The following CPNE5 variants were observed in gnomAD, a reference collection of about 807,000 sequenced individuals.
CPNE5 encodes copine 5.
Under a neutral mutation model 81.1 loss-of-function variants are expected in CPNE5, and 42 were observed. The ratio of observed to expected loss-of-function variants is 0.52; its 90% confidence interval spans 0.40 to 0.67. The LOEUF is 0.67. Ranked by LOEUF, CPNE5 falls within the 30% of genes least tolerant of loss-of-function variation. CPNE5 has a pLI of 0.00. For synonymous variants in CPNE5, 313 were observed against 321.5 expected (o/e 0.97, Z 0.28); for missense variants, 612 against 815.5 (o/e 0.75, Z 3.04).
At chr6:36,759,894 G>T (rs533602942) in intron 12 of CPNE5, among the ~76,000 whole-genome samples, 1 of 152,184 alleles carries the variant, frequency 6.6e-6, no homozygotes, top group Admixed American at 6.5e-5. Context: ...GCCTCCAAAG[G>T]CATGTGATGT....
chr6:36,810,984 A>G (rs1771049458), intron 3 of CPNE5, among the ~76,000 whole-genome samples: 1 of 152,118 alleles, frequency 6.6e-6, no homozygotes, highest in Admixed American at 6.5e-5. Flanking sequence ...AGGGTATGAA[A>G]CTTTACCAAG....
intron 8 of CPNE5, among the ~76,000 whole-genome samples, chr6:36,791,060 AAGCTGTGTTCCCAGGGT>A (rs1769048790): frequency 6.6e-6 from 1 of 152,106 alleles, no homozygotes; most frequent in Admixed American, 6.5e-5. Flanking sequence ...GCTCCATGGG[AAGCTGTGTTCCCAGGGT>A]AGCCCAGGCT....
At chr6:36,790,040 A>G (rs376652272) in intron 8 of CPNE5, among the ~76,000 whole-genome samples, 8 of 152,290 alleles carry the variant, frequency 5.3e-5, no homozygotes, top group African/African-American at 1.9e-4. Context: ...TCCAGTGGTT[A>G]AAGACCTTGG....
In CPNE5 at chr6:36,746,051, A is replaced by T; in HGVS notation, c.1200+345T>A. Reference sequence around the variant, plus strand: ...CTGGAGATCCACGTCATCCCATCTCAGCACTGACTCAGGGATACCCAACCC... The same window carrying T: ...CTGGAGATCCACGTCATCCCATCTCTGCACTGACTCAGGGATACCCAACCC... On this transcript the variant is annotated intron_variant, in intron 16 of 20. Coordinates refer to ENST00000244751, the MANE Select transcript of CPNE5 (RefSeq NM_020939.2). The surrounding 1 kb of genome is among the most constrained non-coding windows in gnomAD (Gnocchi z 4.5). The T allele has an allele frequency of 2.3e-6, 1 of 429,504 alleles. No individual in the cohort carries two copies. Among genetic ancestry groups the T allele is most frequent in the Non-Finnish European group, 3.1e-6 (1 of 321,980 alleles). The allele number at this position is 429,504 out of a possible 1,614,324, so 26.6% of individuals were successfully genotyped here.
intron 8 of CPNE5, among the ~76,000 whole-genome samples, chr6:36,788,296 C>T (rs2150497187): frequency 6.6e-6 from 1 of 152,200 alleles, no homozygotes; most frequent in East Asian, 1.9e-4. Flanking sequence ...TCCTGCCTTG[C>T]TCAGCCTCGC....
At chr6:36,750,435 T>G (rs1230295128) in intron 14 of CPNE5, among the ~76,000 whole-genome samples, 1 of 152,088 alleles carries the variant, frequency 6.6e-6, no homozygotes, top group African/African-American at 2.4e-5. Flanking sequence ...CTCTTTCTCC[T>G]CTTCTGCTGG....
rs138797033 is a variant in CPNE5 at position 36,832,014 on chromosome 6, TGAGGCCAGCAGAA to T, written c.95+7256_95+7268del. ...TCCTGTTGTTACTATGAGGTCTGTG[TGAGGCCAGCAGAA>T]GAGACCTTAGGGAACCTTGCAATGA... On this transcript the variant is annotated intron_variant, in intron 1 of 20. Coordinates refer to ENST00000244751, the MANE Select transcript of CPNE5 (RefSeq NM_020939.2). 4.0e-3 allele frequency among the ~76,000 whole-genome samples: 602 copies of T among 152,286 alleles called. 4 individuals are homozygous for T. Among genetic ancestry groups the T allele is most frequent in the Non-Finnish European group, 7.4e-3 (503 of 68,022 alleles).
intron 14 of CPNE5, 53 bp downstream of exon 14, chr6:36,752,981 G>A (rs3822969): frequency 0.062 from 89,769 of 1,438,636 alleles, 3,159 homozygotes; most frequent in Middle Eastern, 0.11. Flanking sequence ...GTCGGTGTGT[G>A]GGGCCCTTTC....
intron 10 of CPNE5, among the ~76,000 whole-genome samples, chr6:36,772,620 G>A (rs559825052): frequency 8.5e-5 from 13 of 152,364 alleles, no homozygotes; most frequent in East Asian, 7.7e-4. Context: ...GGACACAGGA[G>A]GCACTCAGTG....
At chr6:36,774,906 C>A in intron 10 of CPNE5, 55 bp downstream of exon 10, 1 of 1,381,946 alleles carries the variant, frequency 7.2e-7, no homozygotes, top group South Asian at 1.2e-5. Context: ...CTCACTTGTG[C>A]TTGGGGAGGG....
At chr6:36,756,720 C>T (rs553954073) in intron 12 of CPNE5, among the ~76,000 whole-genome samples, 24 of 152,308 alleles carry the variant, frequency 1.6e-4, no homozygotes, top group African/African-American at 5.8e-4. Context: ...TCCCCTGTTC[C>T]TCCTTTGGGA....
intron 3 of CPNE5, among the ~76,000 whole-genome samples, chr6:36,813,797 C>T (rs1436222270): frequency 6.6e-6 from 1 of 152,212 alleles, no homozygotes; most frequent in Non-Finnish European, 1.5e-5. Context: ...TGATGCATGG[C>T]ACCACTCAAG....
At chr6:36,764,860 C>A (rs1486765612) in intron 11 of CPNE5, among the ~76,000 whole-genome samples, 1 of 152,188 alleles carries the variant, frequency 6.6e-6, no homozygotes, top group Non-Finnish European at 1.5e-5. Flanking sequence ...AATTGGCCTC[C>A]CTGCTAGGTT....
chr6:36,752,982 G>A, intron 14 of CPNE5, 52 bp downstream of exon 14: 1 of 1,454,344 alleles, frequency 6.9e-7, no homozygotes, highest in Non-Finnish European at 9.6e-7. Context: ...TCGGTGTGTG[G>A]GGCCCTTTCC....
rs1406188527 is a variant in CPNE5 at position 36,746,623 on chromosome 6, G to A, written c.1019-46C>T. On this transcript the variant is annotated intron_variant, in intron 15 of 20. Transcript: ENST00000244751. This position sits in a 1 kb window ranked among gnomAD's most constrained non-coding sequence, Gnocchi z 4.5. ...GCCTTTGACCATCTGGACCCTCCAA[G>A]TCACCCCGGGTTCAGAATGAAGAAG... The A allele has an allele frequency of 7.7e-6, 12 of 1,555,174 alleles. No homozygotes were observed. The highest frequency in any genetic ancestry group is 1.0e-5 in the Non-Finnish European group (12 of 1,152,884).
intron 7 of CPNE5, among the ~76,000 whole-genome samples, chr6:36,794,076 G>A (rs758832531): frequency 2.0e-5 from 3 of 152,114 alleles, no homozygotes; most frequent in Non-Finnish European, 4.4e-5. Context: ...CGCAGCTGGC[G>A]AGCAAACGAG....
intron 7 of CPNE5, among the ~76,000 whole-genome samples, chr6:36,793,983 G>C (rs1287486109): frequency 1.3e-5 from 2 of 152,250 alleles, no homozygotes; most frequent in Non-Finnish European, 2.9e-5. Flanking sequence ...GGGAGGGAAG[G>C]AGGGGGAGGC....
intron 10 of CPNE5, among the ~76,000 whole-genome samples, chr6:36,769,598 C>T (rs953769544): frequency 6.6e-6 from 1 of 152,224 alleles, no homozygotes; most frequent in Non-Finnish European, 1.5e-5. Flanking sequence ...GGACTTGAGT[C>T]AGTCCAACAC....
chr6:36,839,689 G>A, upstream of CPNE5: 1 of 333,004 alleles, frequency 3.0e-6, no homozygotes. The surrounding 1 kb of genome is among the most constrained non-coding windows in gnomAD (Gnocchi z 7.3). Context: ...GAGGGGCTCG[G>A]GGAGAGGGCA....
Sources: gnomAD v4.1 joint callset for allele counts (sites outside exome capture counted in the v4.1 genomes callset) on GRCh38, gnomAD v4.1.1 for gene constraint, Gnocchi (gnomAD v3.1) non-coding constraint, MANE v1.5 for transcripts, NCBI Gene and HGNC (gene_info 2026-07-23, HGNC 2026-07-21) for gene names.